The following MAP2K1 variants were observed in gnomAD, a reference collection of about 807,000 sequenced individuals.
MAP2K1 encodes the protein dual specificity mitogen-activated protein kinase kinase 1.
A neutral mutation model predicts 46.3 loss-of-function variants in MAP2K1; 16 were observed. The observed-to-expected ratio is 0.35, with a 90% CI of 0.23 to 0.52. The LOEUF (loss-of-function observed/expected upper bound fraction) is 0.52. Ranked by LOEUF, MAP2K1 falls within the 20% of genes least tolerant of loss-of-function variation. The pLI, the probability that MAP2K1 is intolerant of heterozygous loss-of-function variation, is 0.94. For synonymous variants in MAP2K1, 183 were observed against 185.6 expected, an observed-to-expected ratio of 0.99 and a Z score of 0.11; for missense variants, 263 against 497.1, an observed-to-expected ratio of 0.53 and a Z score of 4.48.
intron 5 of MAP2K1, among the ~76,000 whole-genome samples, chr15:66,460,976 TCTC>T (rs1037013159): frequency 2.6e-5 from 4 of 152,006 alleles, no homozygotes; most frequent in African/African-American, 7.2e-5. Flanking sequence ...AGAGCTGTGT[TCTC>T]CTCCTCCTCA....
chr15:66,480,494 T>A (rs1343777043), intron 5 of MAP2K1, among the ~76,000 whole-genome samples: 2 of 152,100 alleles, frequency 1.3e-5, no homozygotes, highest in East Asian at 3.8e-4. Flanking sequence ...CCCAGCTACT[T>A]GGGAGGCTGA....
At chr15:66,447,113 G>A (rs1292465021) in intron 5 of MAP2K1, among the ~76,000 whole-genome samples, 1 of 152,054 alleles carries the variant, frequency 6.6e-6, no homozygotes, top group African/African-American at 2.4e-5. Flanking sequence ...GGAACTGACT[G>A]GACAGCTTAC....
At chr15:66,470,513 C>A (rs953061564) in intron 5 of MAP2K1, among the ~76,000 whole-genome samples, 1 of 152,154 alleles carries the variant, frequency 6.6e-6, no homozygotes, top group African/African-American at 2.4e-5. Context: ...GGAAAACTTG[C>A]CTTCCTTGTG....
intron 1 of MAP2K1, among the ~76,000 whole-genome samples, chr15:66,392,539 GT>G (rs1162535252): frequency 6.9e-6 from 1 of 144,228 alleles, no homozygotes; most frequent in Non-Finnish European, 1.5e-5. Flanking sequence ...TTTCTTCTTT[GT>G]TTTCTTTTCT....
chr15:66,433,806 C>T (rs1003293103), intron 1 of MAP2K1, among the ~76,000 whole-genome samples: 9 of 152,206 alleles, frequency 5.9e-5, no homozygotes, highest in Admixed American at 2.6e-4. Context: ...TGCTTCACCT[C>T]CCGGGACTTC....
rs1177445663 is a variant in MAP2K1, at chr15:66,387,544, G to A, written c.80+117G>A. On this transcript the variant is annotated intron_variant, in intron 1 of 10. Transcript: ENST00000307102. ...TCACGTACGTCTGGGGCTGGCAGGG[G>A]GCGAGAAACTCCCGGCCGCCGAGGT... 4 of 1,034,870 alleles carry A rather than the reference G, an allele frequency of 3.9e-6. No homozygotes were observed. The Admixed American group carries it at 6.6e-5, about 17-fold the overall frequency. The allele number at this position is 1,034,870 out of a possible 1,614,324, so 64.1% of individuals were successfully genotyped here.
rs1891821834 is a variant in MAP2K1, at chr15:66,444,899, C to G, written c.568+192C>G. ...TACCCTCTTTTTGGTCTTGCTACAC[C>G]TATTGCCTATAGCTGTGATGGACAA... On this transcript the variant is annotated intron_variant, in intron 5 of 10. Coordinates refer to ENST00000307102, the MANE Select transcript of MAP2K1 (RefSeq NM_002755.4). 6.8e-6 allele frequency: 4 copies of G among 592,516 alleles called. No homozygotes were observed. The South Asian group carries it at 8.0e-5, about 12-fold the overall frequency. 36.7% of individuals were successfully genotyped at this position (592,516 alleles called of 1,614,324 possible). A position where few individuals can be genotyped will look rare whatever the true frequency, so the allele number is the denominator to read the frequency against.
intron 2 of MAP2K1, 116 bp from the exon 3 acceptor site, chr15:66,436,625 CAACTT>C (rs2093488705): frequency 1.0e-6 from 1 of 981,410 alleles, no homozygotes; most frequent in East Asian, 2.4e-5. Context: ...TTGTTTGTAA[CAACTT>C]AACCTGTTTC....
chr15:66,416,025 G>T (rs184201858), intron 1 of MAP2K1, among the ~76,000 whole-genome samples: 1 of 152,126 alleles, frequency 6.6e-6, no homozygotes, highest in African/African-American at 2.4e-5. Context: ...TAATTCTTTA[G>T]CATGGTGTGC....
chr15:66,389,134 G>A (rs1009798474), intron 1 of MAP2K1, among the ~76,000 whole-genome samples: 5 of 152,006 alleles, frequency 3.3e-5, no homozygotes, highest in Admixed American at 6.6e-5. Context: ...GCAAACTCCC[G>A]TCCTCAGGTG....
chr15:66,445,214 AC>A (rs1208253816), intron 5 of MAP2K1, among the ~76,000 whole-genome samples: 1 of 151,418 alleles, frequency 6.6e-6, no homozygotes, highest in Non-Finnish European at 1.5e-5. Context: ...ACATGGTGAA[AC>A]CCCCCTCTAC....
At chr15:66,391,936 T>C (rs2093356936) in intron 1 of MAP2K1, among the ~76,000 whole-genome samples, 1 of 152,214 alleles carries the variant, frequency 6.6e-6, no homozygotes, top group Admixed American at 6.5e-5. Context: ...ATAGACAGGA[T>C]AGAATAGGTT....
chr15:66,442,904 G>A (rs1307000571), intron 3 of MAP2K1, among the ~76,000 whole-genome samples: 3 of 152,010 alleles, frequency 2.0e-5, no homozygotes, highest in African/African-American at 7.2e-5. Flanking sequence ...TAATTTTACT[G>A]GTTTATTATA....
In MAP2K1 at chr15:66,392,635, C is replaced by T. The variant is rs866487581; in HGVS notation, c.80+5208C>T. 1.3e-3 allele frequency among the ~76,000 whole-genome samples: 191 copies of T among 150,220 alleles called. 1 individual carries two copies. The highest frequency in any genetic ancestry group is 2.7e-3 in the Admixed American group (40 of 15,008). ...ATGGCATGATCTCGGCTCACCGCAA[C>T]CTCCGCCCCCCAGGTTCAAGCTATT... On this transcript the variant is annotated intron_variant, in intron 1 of 10. Coordinates refer to ENST00000307102, the MANE Select transcript of MAP2K1 (RefSeq NM_002755.4).
chr15:66,437,925 G>C (rs1260944287), intron 3 of MAP2K1, among the ~76,000 whole-genome samples: 1 of 151,870 alleles, frequency 6.6e-6, no homozygotes, highest in Non-Finnish European at 1.5e-5. Context: ...TTCTGGCTTG[G>C]TCCTAGTGCT....
chr15:66,487,137 C>T, intron 7 of MAP2K1, 91 bp from the exon 8 acceptor site: 1 of 1,030,888 alleles, frequency 9.7e-7, no homozygotes, highest in Non-Finnish European at 1.5e-6. Context: ...TGACCCTGTT[C>T]TGGTCCCAGG....
Position 66,432,839 on chromosome 15 carries a change from A to G in MAP2K1, c.81-2188A>G, listed in dbSNP as rs144951219. On this transcript the variant is annotated intron_variant, in intron 1 of 10. Coordinates refer to ENST00000307102, the MANE Select transcript of MAP2K1 (RefSeq NM_002755.4). ...GTGCTTGAGTTTGCTCATCTGTTCT[A>G]ATTAGGGGTTGTGGATTAAATGACT... Among the ~76,000 whole-genome samples, 19 of 152,160 alleles carry G rather than the reference A, an allele frequency of 1.2e-4. No individual in the cohort carries two copies. The East Asian group carries it at 3.7e-3, about 29-fold the overall frequency.
intron 5 of MAP2K1, among the ~76,000 whole-genome samples, chr15:66,459,940 C>G (rs1892275644): frequency 6.6e-6 from 1 of 152,296 alleles, no homozygotes; most frequent in South Asian, 2.1e-4. Context: ...TCAGAGTGGC[C>G]CCTGCCTCCA....
In MAP2K1 at chr15:66,386,963, C is replaced by A. The variant is rs968176753; in HGVS notation, c.-385C>A. 18 of 262,488 alleles carry A rather than the reference C, an allele frequency of 6.9e-5. No individual in the cohort carries two copies. The South Asian group carries it at 1.5e-3, about 21-fold the overall frequency. The allele number at this position is 262,488 out of a possible 1,614,324, so 16.3% of individuals were successfully genotyped here. A position where few individuals can be genotyped will look rare whatever the true frequency, so the allele number is the denominator to read the frequency against. The stretch of plus-strand genomic sequence containing the variant: ...GCGGCTAGGAGCACGGCGGCGGCGG[C>A]ACTTTCCCCGGCAGGAGCTGGAGCT... On this transcript the variant is annotated 5_prime_UTR_variant, in exon 1 of 11. Transcript: ENST00000307102.
Sources: gnomAD v4.1 joint callset for allele counts (sites outside exome capture counted in the v4.1 genomes callset) on GRCh38, gnomAD v4.1.1 for gene constraint, MANE v1.5 for transcripts, NCBI Gene and HGNC (gene_info 2026-07-23, HGNC 2026-07-21) for gene names.